EPB41L3: variants seen among roughly 807,000 people sequenced by gnomAD.
EPB41L3 encodes the protein band 4.1-like protein 3.
Under a neutral mutation model 127.1 loss-of-function variants are expected in EPB41L3, and 57 were observed. The observed-to-expected ratio is 0.45, with a 90% CI of 0.36 to 0.56. The LOEUF (loss-of-function observed/expected upper bound fraction) is 0.56. Among genes scored for constraint, EPB41L3 ranks in the 20% least tolerant of loss-of-function variants. The probability of loss-of-function intolerance (pLI) is 0.00; values close to 1 mark genes in which losing one functional copy is unlikely to be tolerated. For synonymous variants in EPB41L3, 572 were observed against 549.5 expected (o/e 1.04, Z -0.57); for missense variants, 1,273 against 1,372.2 (o/e 0.93, Z 1.14).
intron 13 of EPB41L3, among the ~76,000 whole-genome samples, chr18:5,413,669 G>A (rs2076462164): frequency 6.6e-6 from 1 of 152,124 alleles, no homozygotes; most frequent in Non-Finnish European, 1.5e-5. Flanking sequence ...AGCTCAGCCT[G>A]AACTAGAATG....
intron 3 of EPB41L3, among the ~76,000 whole-genome samples, chr18:5,589,364 A>G (rs1346029665): frequency 6.6e-6 from 1 of 150,612 alleles, no homozygotes. Context: ...TAAGGATGGT[A>G]TTTGTTTTAT....
chr18:5,612,242 A>G (rs2094735421), intron 3 of EPB41L3: 1 of 152,256 alleles, frequency 6.6e-6, no homozygotes, highest in Non-Finnish European at 1.5e-5. Flanking sequence ...AAAGCTGCCT[A>G]GCATTAATTC....
At chr18:5,546,474 G>A (rs891968563), upstream of EPB41L3, among the ~76,000 whole-genome samples, 9 of 149,196 alleles carry the variant, frequency 6.0e-5, no homozygotes, top group African/African-American at 2.2e-4. Flanking sequence ...AGGTTGCAGT[G>A]AGCCGAGATC....
intron 1 of EPB41L3, among the ~76,000 whole-genome samples, chr18:5,620,716 T>A (rs937461094): frequency 1.3e-5 from 2 of 152,144 alleles, no homozygotes; most frequent in African/African-American, 4.8e-5. Context: ...GATCTATATA[T>A]TTTTAGCTTT....
At position 5,489,034 on chromosome 18, in the gene EPB41L3, G is replaced by C. The variant is rs770581819; in HGVS notation, c.150C>G (p.Ala50=). Residue 50 remains alanine, a synonymous_variant, in exon 2 of 23, where the codon GCC becomes GCG. Transcript: ENST00000341928. The stretch of plus-strand genomic sequence containing the variant: ...GCACCGGGGTGCTGTGCGCTGCAGC[G>C]GCGGCGAACTGCTCCAGGGCCTGCT... The part of the protein sequence containing the change: ...EQQQALEQFA[A]AAAHSTPVRR... 1.9e-6 allele frequency: 3 copies of C among 1,591,178 alleles called. No individual in the cohort carries two copies. The highest frequency in any genetic ancestry group is 8.5e-7 in the Non-Finnish European group (1 of 1,175,696).
intron 3 of EPB41L3, among the ~76,000 whole-genome samples, chr18:5,553,581 G>T (rs1233847365): frequency 6.6e-6 from 1 of 152,200 alleles, no homozygotes; most frequent in Non-Finnish European, 1.5e-5. Context: ...ACCAAGAAGA[G>T]CAGTCTACAA....
At chr18:5,440,000 A>C (rs1351566205) in intron 5 of EPB41L3, among the ~76,000 whole-genome samples, 1 of 152,220 alleles carries the variant, frequency 6.6e-6, no homozygotes, top group Non-Finnish European at 1.5e-5. Flanking sequence ...TAAGTAATAA[A>C]AAATACAGAA....
At chr18:5,459,716 CTAA>C (rs1006504796) in intron 3 of EPB41L3, among the ~76,000 whole-genome samples, 1 of 152,122 alleles carries the variant, frequency 6.6e-6, no homozygotes, top group African/African-American at 2.4e-5. Flanking sequence ...TTCTCTTCTG[CTAA>C]TAATATCAGT....
chr18:5,419,710 C>T lies in EPB41L3; in HGVS notation c.1506+1G>A, dbSNP rs752204753. On this transcript the variant is annotated splice_donor_variant, in intron 12 of 22. Coordinates refer to ENST00000341928, the MANE Select transcript of EPB41L3 (RefSeq NM_012307.5). LOFTEE classifies it high-confidence loss of function. The stretch of plus-strand genomic sequence containing the variant: ...TCTTGCAGGCAGTCTGGGAGCTATA[C>T]CTTTCCCTCGTGCCGGATGGCCGAG... 1 of 1,613,832 alleles carries T rather than the reference C, an allele frequency of 6.2e-7. No individual in the cohort carries two copies. The highest frequency in any genetic ancestry group is 1.1e-5 in the South Asian group (1 of 91,032).
intron 3 of EPB41L3, among the ~76,000 whole-genome samples, chr18:5,457,548 A>AAC (rs200741441): frequency 1.3e-5 from 2 of 152,004 alleles, no homozygotes; most frequent in Non-Finnish European, 2.9e-5. Context: ...AAAAGAAAAA[A>AAC]ACACACACAC....
At chr18:5,468,318 C>T (rs2085394434) in intron 3 of EPB41L3, among the ~76,000 whole-genome samples, 1 of 152,166 alleles carries the variant, frequency 6.6e-6, no homozygotes, top group Admixed American at 6.5e-5. Flanking sequence ...GGTGAAGTCC[C>T]ACCCTCCAGC....
At chr18:5,494,789 G>A (rs1476454191) in intron 1 of EPB41L3, among the ~76,000 whole-genome samples, 1 of 152,144 alleles carries the variant, frequency 6.6e-6, no homozygotes, top group East Asian at 1.9e-4. Context: ...GAGGTTACAT[G>A]GTCTGATGTA....
chr18:5,580,900 C>T (rs1194389961), intron 3 of EPB41L3, among the ~76,000 whole-genome samples: 1 of 152,202 alleles, frequency 6.6e-6, no homozygotes, highest in Non-Finnish European at 1.5e-5. Context: ...CTGCTACTCA[C>T]ACCAGCATTT....
intron 3 of EPB41L3, among the ~76,000 whole-genome samples, chr18:5,578,103 T>TG (rs34172512): frequency 6.7e-6 from 1 of 148,714 alleles, no homozygotes; most frequent in East Asian, 2.1e-4. Flanking sequence ...GCTCCAGGGT[T>TG]GGGGGGGTGG....
intron 3 of EPB41L3, among the ~76,000 whole-genome samples, chr18:5,448,650 C>T (rs2081873896): frequency 6.6e-6 from 1 of 152,010 alleles, no homozygotes; most frequent in Non-Finnish European, 1.5e-5. Context: ...TGAATAATTA[C>T]CTAATCAGAA....
intron 3 of EPB41L3, among the ~76,000 whole-genome samples, chr18:5,600,849 C>A (rs934089742): frequency 1.3e-5 from 2 of 152,132 alleles, no homozygotes; most frequent in Admixed American, 1.3e-4. Flanking sequence ...CCAATGCAAA[C>A]ATTAAATTTC....
chr18:5,568,666 G>A (rs922296557), intron 3 of EPB41L3, among the ~76,000 whole-genome samples: 1 of 152,112 alleles, frequency 6.6e-6, no homozygotes, highest in African/African-American at 2.4e-5. Flanking sequence ...TTTCCCCAAG[G>A]CATCCTCCTA....
intron 3 of EPB41L3, among the ~76,000 whole-genome samples, chr18:5,586,821 G>T (rs1466002317): frequency 1.3e-5 from 2 of 152,104 alleles, no homozygotes; most frequent in Non-Finnish European, 2.9e-5. Context: ...GCTCTATGAA[G>T]CCTGACAACA....
At chr18:5,583,850 C>A (rs1269469025) in intron 3 of EPB41L3, among the ~76,000 whole-genome samples, 1 of 152,146 alleles carries the variant, frequency 6.6e-6, no homozygotes, top group Admixed American at 6.6e-5. Context: ...CTCTTGTTGT[C>A]CAGGCTGGAG....
Sources: allele counts gnomAD v4.1 joint callset (sites outside exome capture counted in the v4.1 genomes callset), GRCh38; gene constraint gnomAD v4.1.1; transcripts MANE v1.5; gene names NCBI Gene and HGNC (gene_info 2026-07-23, HGNC 2026-07-21).